The following SMG7 variants were observed in gnomAD, a reference collection of about 807,000 sequenced individuals.
SMG7 encodes the protein SMG7 nonsense mediated mRNA decay factor, also known as nonsense-mediated mRNA decay factor SMG7.
SMG7 carries 34 observed loss-of-function variants against 148.2 expected under a neutral mutation model. The observed-to-expected ratio is 0.23, with a 90% CI of 0.17 to 0.31. SMG7 has a LOEUF of 0.31. Ranked by LOEUF, SMG7 falls within the 10% of genes least tolerant of loss-of-function variation. SMG7 has a pLI of 1.00. For synonymous variants in SMG7, 492 were observed against 515.1 expected, an observed-to-expected ratio of 0.96 and a Z score of 0.61; for missense variants, 1,114 against 1,408.4, an observed-to-expected ratio of 0.79 and a Z score of 3.35.
chr1:183,530,828 T>C (rs1666722827), intron 8 of SMG7, among the ~76,000 whole-genome samples: 1 of 152,098 alleles, frequency 6.6e-6, no homozygotes, highest in African/African-American at 2.4e-5. Flanking sequence ...TGCTTCCAGC[T>C]CTGGTTCTGT....
intron 14 of SMG7, among the ~76,000 whole-genome samples, chr1:183,543,735 C>T (rs1379053782): frequency 6.6e-6 from 1 of 152,196 alleles, no homozygotes. Context: ...CTCATGTTCC[C>T]TCATTTTGCT....
chr1:183,477,082 C>T (rs904394196), intron 1 of SMG7, among the ~76,000 whole-genome samples: 2 of 151,914 alleles, frequency 1.3e-5, no homozygotes, highest in African/African-American at 4.8e-5. Context: ...TATTAAAGTA[C>T]CAGACAGAGA....
At chr1:183,495,804 G>T (rs188911880) in intron 1 of SMG7, among the ~76,000 whole-genome samples, 52 of 152,040 alleles carry the variant, frequency 3.4e-4, no homozygotes, top group Admixed American at 2.3e-3. Flanking sequence ...GGAGGCAGAG[G>T]TTGCAATGAG....
chr1:183,473,191 T>G (rs538846727), intron 1 of SMG7, among the ~76,000 whole-genome samples: 1 of 151,764 alleles, frequency 6.6e-6, no homozygotes, highest in South Asian at 2.1e-4. Flanking sequence ...TTGGGAGTAT[T>G]GAGGAATAAT....
At chr1:183,498,060 A>G (rs1658932780) in intron 1 of SMG7, among the ~76,000 whole-genome samples, 2 of 152,200 alleles carry the variant, frequency 1.3e-5, no homozygotes, top group South Asian at 4.1e-4. Flanking sequence ...TAGAGAATGT[A>G]CTATTTGTAC....
intron 4 of SMG7, among the ~76,000 whole-genome samples, chr1:183,519,392 C>T (rs12125461): frequency 0.086 from 13,025 of 151,424 alleles, 650 homozygotes; most frequent in East Asian, 0.24. Context: ...GAATGCTTCT[C>T]GAGAGAGGGA....
intron 22 of SMG7, 107 bp from the exon 23 acceptor site, chr1:183,551,711 G>A: frequency 4.4e-6 from 3 of 676,592 alleles, no homozygotes; most frequent in Admixed American, 3.6e-5. Context: ...GAGTGGGGTT[G>A]GGTTTTGGGG....
intron 1 of SMG7, among the ~76,000 whole-genome samples, chr1:183,504,103 A>G (rs76791057): frequency 0.012 from 1,793 of 152,200 alleles, 27 homozygotes; most frequent in African/African-American, 0.041. Context: ...TTCTAGGCAT[A>G]TGTCTATTCT....
In SMG7 at chr1:183,549,779, A is replaced by G. The variant is rs1670640790; in HGVS notation, c.2989A>G (p.Asn997Asp). 6.2e-7 allele frequency: 1 copy of G among 1,613,512 alleles called. No homozygotes were observed. Among genetic ancestry groups the G allele is most frequent in the African/African-American group, 1.3e-5 (1 of 74,868 alleles). ...FSLNQERYPN[N>D]SMFNEVYGKN... ...TGTCTTTCAGGAAAGATACCCAAAT[A>G]ATAGTATGTTCAATGAGGTATATGG... is the stretch of plus-strand genomic sequence containing the variant. Residue 997 changes from asparagine (N) to aspartate (D), a missense_variant, in exon 20 of 23, where the codon AAT (asparagine) becomes GAT (aspartate). Physicochemically the swap from Asn to Asp is conservative, Grantham distance 23. Transcript: ENST00000688051.
rs1666007986 is a variant in SMG7 at position 183,527,037 on chromosome 1, A to G, written c.484+270A>G. On this transcript the variant is annotated intron_variant, in intron 5 of 22. Transcript: ENST00000688051. The surrounding 1 kb of genome is among the most constrained non-coding windows in gnomAD (Gnocchi z 4.0). ...TAGGCAAATAATAAACAGCAAAAAC[A>G]TAATCAAAGCTTAATTTTTCAAAGT... Among the ~76,000 whole-genome samples the G allele has an allele frequency of 6.6e-6, 1 of 152,248 alleles. No individual in the cohort carries two copies. Among genetic ancestry groups the G allele is most frequent in the Non-Finnish European group, 1.5e-5 (1 of 68,036 alleles).
rs375730874 is a variant in SMG7, at chr1:183,544,513, A to G, written c.1987+16A>G. ...AGCAGGCCAGGTAAATATGTTTTGT[A>G]ATTTCTTCTACTTAATCTTTTCTGT... On this transcript the variant is annotated intron_variant, in intron 15 of 22. Transcript: ENST00000688051. 3 of 1,611,052 alleles carry G rather than the reference A, an allele frequency of 1.9e-6. No individual in the cohort carries two copies. The highest frequency in any genetic ancestry group is 1.3e-5 in the African/African-American group (1 of 74,906).
chr1:183,542,835 G>A (rs1332791107), intron 14 of SMG7, among the ~76,000 whole-genome samples: 1 of 151,520 alleles, frequency 6.6e-6, no homozygotes, highest in East Asian at 1.9e-4. Context: ...ATGCTATAGT[G>A]GAGATTTGGG....
At chr1:183,528,063 A>T (rs1258293088) in intron 6 of SMG7, 36 bp downstream of exon 6, 1 of 1,521,440 alleles carries the variant, frequency 6.6e-7, no homozygotes. Context: ...TGACCGTGAC[A>T]CTTTGTTCTT....
At position 183,547,181 on chromosome 1, in the gene SMG7, T is replaced by C; in HGVS notation, c.2821T>C (p.Phe941Leu). 2.6e-6 allele frequency: 4 copies of C among 1,550,478 alleles called. No individual in the cohort carries two copies. Among genetic ancestry groups the C allele is most frequent in the Non-Finnish European group, 3.5e-6 (4 of 1,146,926 alleles). Residue 941 changes from phenylalanine to leucine, a missense_variant, in exon 18 of 23, where the codon TTT becomes CTT. Coordinates refer to ENST00000688051, the MANE Select transcript of SMG7 (RefSeq NM_001375584.1). The stretch of plus-strand genomic sequence containing the variant: ...CTTGGAGGAAGAGGAAGAGCTGATT[T>C]TTTCTAACCCTCCTGATCTTTACCC... ...AALEEEEELI[F>L]SNPPDLYPAL... is the part of the protein sequence containing the mutation.
chr1:183,501,983 CTGTT>C (rs1313450539), intron 1 of SMG7, among the ~76,000 whole-genome samples: 9 of 152,128 alleles, frequency 5.9e-5, no homozygotes, highest in African/African-American at 7.2e-5. Context: ...TAACCGGTAT[CTGTT>C]TGTCCTGTAG....
chr1:183,533,633 G>GT (rs1423598422), intron 9 of SMG7, 43 bp from the exon 10 acceptor site: 3 of 1,548,418 alleles, frequency 1.9e-6, no homozygotes, highest in Non-Finnish European at 2.7e-6. Flanking sequence ...AACTGGCACA[G>GT]TTTCATATTT....
chr1:183,487,659 G>C (rs1655820339), intron 1 of SMG7, among the ~76,000 whole-genome samples: 1 of 152,172 alleles, frequency 6.6e-6, no homozygotes, highest in African/African-American at 2.4e-5. Context: ...GGCCCTATTG[G>C]AAATTGGATG....
At chr1:183,496,295 T>G (rs904776191) in intron 1 of SMG7, among the ~76,000 whole-genome samples, 1 of 152,170 alleles carries the variant, frequency 6.6e-6, no homozygotes, top group Non-Finnish European at 1.5e-5. Context: ...GTTAAACAAG[T>G]CCCTATGGCC....
At chr1:183,537,336 G>A (rs966800064) in intron 11 of SMG7, 121 bp downstream of exon 11, 1 of 721,488 alleles carries the variant, frequency 1.4e-6, no homozygotes, top group East Asian at 2.6e-5. Context: ...TATCTCAGAA[G>A]TGACTGTGAA....
Sources: gnomAD v4.1 joint callset for allele counts (sites outside exome capture counted in the v4.1 genomes callset) on GRCh38, gnomAD v4.1.1 for gene constraint, Gnocchi (gnomAD v3.1) non-coding constraint, MANE v1.5 for transcripts, NCBI Gene and HGNC (gene_info 2026-07-23, HGNC 2026-07-21) for gene names.